The following TIAM1 variants were observed in gnomAD, a reference collection of about 807,000 sequenced individuals.
TIAM1 encodes the protein rho guanine nucleotide exchange factor TIAM1.
In TIAM1, 65 loss-of-function variants were observed where a neutral mutation model predicts 163.5. That is an observed-to-expected ratio of 0.40 (90% CI 0.33 to 0.49). The LOEUF (loss-of-function observed/expected upper bound fraction) is 0.49, where lower values mean the gene tolerates loss of function less well. Ranked by LOEUF, TIAM1 falls within the 20% of genes least tolerant of loss-of-function variation. The probability of loss-of-function intolerance (pLI) is 0.77; values close to 1 mark genes in which losing one functional copy is unlikely to be tolerated. For synonymous variants in TIAM1, 833 were observed against 810.1 expected (o/e 1.03, Z -0.48); for missense variants, 1,789 against 2,044.7 (o/e 0.87, Z 2.41).
chr21:31,217,099 C>G (rs970980909), intron 9 of TIAM1, among the ~76,000 whole-genome samples: 2 of 151,576 alleles, frequency 1.3e-5, no homozygotes, highest in Non-Finnish European at 2.9e-5. Context: ...CCCAGCTACT[C>G]GGGAGGCTGA....
At chr21:31,205,993 G>A (rs947482692) in intron 11 of TIAM1, among the ~76,000 whole-genome samples, 1 of 151,820 alleles carries the variant, frequency 6.6e-6, no homozygotes, top group African/African-American at 2.4e-5. Flanking sequence ...TAAGTAAAAG[G>A]AAAAAAAGAT....
intron 2 of TIAM1, among the ~76,000 whole-genome samples, chr21:31,371,596 A>C (rs2076597150): frequency 1.3e-5 from 2 of 152,312 alleles, no homozygotes; most frequent in Middle Eastern, 3.4e-3. Context: ...TCTCTAGAAA[A>C]AGATAGATTT....
intron 2 of TIAM1, among the ~76,000 whole-genome samples, chr21:31,326,596 G>A (rs951553495): frequency 1.3e-5 from 2 of 152,196 alleles, no homozygotes; most frequent in Non-Finnish European, 2.9e-5. Flanking sequence ...CAAAAAGATA[G>A]GGCAAGTCCC....
chr21:31,557,305 G>A (rs1025519684), intron 1 of TIAM1, among the ~76,000 whole-genome samples: 1 of 152,120 alleles, frequency 6.6e-6, no homozygotes, highest in African/African-American at 2.4e-5. Context: ...AGTGAAGAAC[G>A]CAGAAAAGGA....
rs34368848 is a variant in TIAM1, at chr21:31,142,463, C to CAAAAAAAAAA, written c.3476-969_3476-960dup. ...TAAAATCTCATCTCTACTAAAAATA[C>CAAAAAAAAAA]AAAAAAAAAAAAAAAAAAAAAAGCC... On this transcript the variant is annotated intron_variant, in intron 20 of 27. Transcript: ENST00000541036. Among the ~76,000 whole-genome samples the CAAAAAAAAAA allele has an allele frequency of 6.8e-3, 337 of 49,732 alleles. 1 individual carries two copies. The highest frequency in any genetic ancestry group is 7.9e-3 in the Non-Finnish European group (237 of 30,094). The allele number at this position is 49,732 out of a possible 152,430, so 32.6% of individuals were successfully genotyped here.
chr21:31,361,561 G>A (rs977506835), intron 2 of TIAM1, among the ~76,000 whole-genome samples: 2 of 152,130 alleles, frequency 1.3e-5, no homozygotes, highest in Non-Finnish European at 2.9e-5. Flanking sequence ...TTTAAGAAGA[G>A]TTATAAAATC....
At chr21:31,143,738 T>G (rs544302215) in intron 20 of TIAM1, among the ~76,000 whole-genome samples, 43 of 152,066 alleles carry the variant, frequency 2.8e-4, no homozygotes, top group African/African-American at 9.4e-4. Flanking sequence ...TCTTTTTTTT[T>G]TTTTTCTGAG....
Position 31,228,245 on chromosome 21 carries a change from A to ATAATCTGATAAGGATTTTTCCTTT in TIAM1, c.1585-2296_1585-2295insAAAGGAAAAATCCTTATCAGATTA, listed in dbSNP as rs774208885. 8.8e-4 allele frequency among the ~76,000 whole-genome samples: 59 copies of ATAATCTGATAAGGATTTTTCCTTT among 67,134 alleles called. 6 individuals carry two copies. Among genetic ancestry groups the ATAATCTGATAAGGATTTTTCCTTT allele is most frequent in the Middle Eastern group, 0.012 (1 of 84 alleles). The allele number at this position is 67,134 out of a possible 152,430, so 44.0% of individuals were successfully genotyped here. A position where few individuals can be genotyped will look rare whatever the true frequency, so the allele number is the denominator to read the frequency against. ...TAAAAAAAAAAAAAAAAAAAAAAAAAAAAAAAAAAAAAAAGGAAGGAAAAA... is the reference window on the plus strand; with the variant it reads ...TAAAAAAAAAAAAAAAAAAAAAAAAATAATCTGATAAGGATTTTTCCTTTAAAAAAAAAAAAAAGGAAGGAAAAA... On this transcript the variant is annotated intron_variant, in intron 6 of 27. Coordinates refer to ENST00000541036, the MANE Select transcript of TIAM1 (RefSeq NM_001353694.2).
chr21:31,514,034 G>A (rs1441876212), intron 1 of TIAM1, among the ~76,000 whole-genome samples: 1 of 151,952 alleles, frequency 6.6e-6, no homozygotes, highest in Admixed American at 6.6e-5. Context: ...TAAGGTTCTG[G>A]CACATCCCCC....
intron 8 of TIAM1, among the ~76,000 whole-genome samples, chr21:31,223,086 T>C (rs1006966818): frequency 1.3e-5 from 2 of 152,064 alleles, no homozygotes; most frequent in African/African-American, 4.8e-5. Flanking sequence ...ATAAAAAATA[T>C]GTATTTGGGT....
At chr21:31,365,535 C>G (rs915330957) in intron 2 of TIAM1, among the ~76,000 whole-genome samples, 26 of 151,562 alleles carry the variant, frequency 1.7e-4, no homozygotes, top group African/African-American at 5.1e-4. Context: ...ACTACAGGCA[C>G]CCGCCACCAC....
At chr21:31,323,546 T>TATTTTA (rs1221379330) in intron 2 of TIAM1, among the ~76,000 whole-genome samples, 1 of 151,862 alleles carries the variant, frequency 6.6e-6, no homozygotes, top group Non-Finnish European at 1.5e-5. Context: ...AATTTAAAAA[T>TATTTTA]TAGGCTGGGT....
At chr21:31,458,889 T>C (rs988675161) in intron 2 of TIAM1, among the ~76,000 whole-genome samples, 16 of 152,120 alleles carry the variant, frequency 1.1e-4, no homozygotes, top group African/African-American at 2.2e-4. Context: ...AAGGAGAGTA[T>C]TGGGGGCATG....
intron 2 of TIAM1, among the ~76,000 whole-genome samples, chr21:31,435,166 A>T (rs78942345): frequency 0.029 from 4,383 of 152,236 alleles, 196 homozygotes; most frequent in African/African-American, 0.099. Context: ...GTAAAAGAAC[A>T]CTGGAACCCA....
At position 31,206,936 on chromosome 21, in the gene TIAM1, TACACACAC is replaced by T. The variant is rs142792769; in HGVS notation, c.2388+3101_2388+3108del. On this transcript the variant is annotated intron_variant, in intron 11 of 27. Transcript: ENST00000541036. ...TAGTCACTGCATACAGAAATATGTATACACACACACACACACAAAGTGCTATTGTAGAA... is the reference window on the plus strand; with the variant it reads ...TAGTCACTGCATACAGAAATATGTATACACACACAAAGTGCTATTGTAGAA... Among the ~76,000 whole-genome samples, 12 of 151,366 alleles carry T rather than the reference TACACACAC, an allele frequency of 7.9e-5. No individual in the cohort carries two copies. In the East Asian group the frequency reaches 2.3e-3, roughly 29 times the overall value.
In TIAM1 at chr21:31,130,893, T is replaced by C. The variant is rs1462774759; in HGVS notation, c.3939A>G (p.Lys1313=). ...VYKDGSKQKK[K]LVGSHRLSIY... is the part of the protein sequence containing the mutation. ...GGGGTAACATAAGATGTCTTACAAGTTTCTTCTTCTGTTTGGAACCATCTT... is the reference window on the plus strand; with the variant it reads ...GGGGTAACATAAGATGTCTTACAAGCTTCTTCTTCTGTTTGGAACCATCTT... The change falls in exon 24 of 28, where the codon AAA becomes AAG. Residue 1313 remains lysine (K), a synonymous_variant. Coordinates refer to ENST00000541036, the MANE Select transcript of TIAM1 (RefSeq NM_001353694.2). 1 of 1,613,876 alleles carries C rather than the reference T, an allele frequency of 6.2e-7. No homozygotes were observed. Among genetic ancestry groups the C allele is most frequent in the African/African-American group, 1.3e-5 (1 of 75,046 alleles).
intron 1 of TIAM1, among the ~76,000 whole-genome samples, chr21:31,474,694 C>T (rs1286707522): frequency 6.6e-6 from 1 of 151,964 alleles, no homozygotes; most frequent in East Asian, 1.9e-4. Flanking sequence ...TACAGGCATG[C>T]ACCACCATGC....
chr21:31,205,801 CA>C (rs1419708539), intron 11 of TIAM1, among the ~76,000 whole-genome samples: 2 of 151,856 alleles, frequency 1.3e-5, no homozygotes, highest in African/African-American at 4.8e-5. Flanking sequence ...CTGTCTGTAT[CA>C]AAAATACAAA....
chr21:31,339,459 C>T, intron 1 of TIAM1, 37 bp from the exon 2 acceptor site: 1 of 398,512 alleles, frequency 2.5e-6, no homozygotes. Context: ...GGGTTTTGTG[C>T]TTCGTTTTTA....
Sources: gnomAD v4.1 joint callset for allele counts (sites outside exome capture counted in the v4.1 genomes callset) on GRCh38, gnomAD v4.1.1 for gene constraint, MANE v1.5 for transcripts, NCBI Gene and HGNC (gene_info 2026-07-23, HGNC 2026-07-21) for gene names.